The following TMEM117 variants were observed in gnomAD, a reference collection of about 807,000 sequenced individuals.
The protein encoded by TMEM117 is transmembrane protein 117.
TMEM117 carries 27 observed loss-of-function variants against 52.4 expected under a neutral mutation model. That is an observed-to-expected ratio of 0.51 (90% confidence interval 0.38 to 0.71). The LOEUF is 0.71. TMEM117 is among the 30% of genes least tolerant of loss of function. TMEM117 has a pLI of 0.00. For missense variants in TMEM117, 556 were observed against 630.5 expected (o/e 0.88, Z 1.26); for synonymous variants, 215 against 206.3 (o/e 1.04, Z -0.36).
intron 2 of TMEM117, among the ~76,000 whole-genome samples, chr12:43,872,802 A>G (rs1443218003): frequency 6.6e-6 from 1 of 152,228 alleles, no homozygotes; most frequent in African/African-American, 2.4e-5. Context: ...CAGTCTTTGA[A>G]TTCTTAATAC....
At chr12:44,073,192 CATT>C (rs1256786614) in intron 3 of TMEM117, among the ~76,000 whole-genome samples, 2 of 152,044 alleles carry the variant, frequency 1.3e-5, no homozygotes, top group African/African-American at 4.8e-5. Flanking sequence ...GCTTTTAAAA[CATT>C]AATAAGTAGA....
intron 5 of TMEM117, among the ~76,000 whole-genome samples, chr12:44,223,610 T>C (rs1197464668): frequency 1.3e-5 from 2 of 152,138 alleles, no homozygotes; most frequent in African/African-American, 4.8e-5. Context: ...TTTCTCCAAA[T>C]TGGCACTTCC....
chr12:43,864,078 T>C (rs1456813301), intron 2 of TMEM117, among the ~76,000 whole-genome samples: 1 of 152,188 alleles, frequency 6.6e-6, no homozygotes, highest in Non-Finnish European at 1.5e-5. Context: ...CCAGCAGTGC[T>C]GGCCCACCAG....
chr12:44,131,080 T>C (rs1948406763), intron 3 of TMEM117, among the ~76,000 whole-genome samples: 1 of 152,162 alleles, frequency 6.6e-6, no homozygotes, highest in African/African-American at 2.4e-5. Flanking sequence ...CTGTTTCTTC[T>C]CTAATTCCTT....
chr12:43,798,968 A>G, the TMEM117 span, among the ~76,000 whole-genome samples: 1 of 152,116 alleles, frequency 6.6e-6, no homozygotes, highest in East Asian at 1.9e-4. Flanking sequence ...TCTTCCATAT[A>G]TATCTCTATT....
At chr12:44,358,880 AT>A (rs1448015926) in intron 6 of TMEM117, among the ~76,000 whole-genome samples, 1 of 152,154 alleles carries the variant, frequency 6.6e-6, no homozygotes, top group Middle Eastern at 3.4e-3. Context: ...AGTCCAACCC[AT>A]CTACTTGTGC....
intron 2 of TMEM117, among the ~76,000 whole-genome samples, chr12:43,922,835 C>T (rs898628297): frequency 3.3e-5 from 5 of 152,008 alleles, no homozygotes; most frequent in South Asian, 4.1e-4. Flanking sequence ...GAAGAAGTAC[C>T]CCTTTTCTCA....
Position 44,091,951 on chromosome 12 carries a change from G to C in TMEM117, c.411-51574G>C, listed in dbSNP as rs116620851. ...TCAAATACTACACCCACATTTTCTG[G>C]TGACATAGATGGGGTCAGTAGATTA... On this transcript the variant is annotated intron_variant, in intron 3 of 7. Coordinates refer to ENST00000266534, the MANE Select transcript of TMEM117 (RefSeq NM_032256.3). 6.9e-3 allele frequency among the ~76,000 whole-genome samples: 1,043 copies of C among 152,216 alleles called. 13 individuals are homozygous for C. Among genetic ancestry groups the C allele is most frequent in the African/African-American group, 0.024 (978 of 41,522 alleles).
At chr12:44,044,759 G>A (rs1166631130) in intron 3 of TMEM117, among the ~76,000 whole-genome samples, 4 of 152,216 alleles carry the variant, frequency 2.6e-5, no homozygotes, top group South Asian at 2.1e-4. Flanking sequence ...TTTCTAGGAC[G>A]TCCCTGAAGG....
In TMEM117 at chr12:44,239,777, A is replaced by G. The variant is rs551840532; in HGVS notation, c.608+28390A>G. On this transcript the variant is annotated intron_variant, in intron 5 of 7. Transcript: ENST00000266534. ...AAAATATAGTCATATGCCCACATGCACACATACACATGCTCTCATACACTA... is the reference window on the plus strand; with the variant it reads ...AAAATATAGTCATATGCCCACATGCGCACATACACATGCTCTCATACACTA... Among the ~76,000 whole-genome samples, 14 of 152,228 alleles carry G rather than the reference A, an allele frequency of 9.2e-5. 1 individual carries two copies. Among genetic ancestry groups the G allele is most frequent in the Admixed American group, 8.5e-4 (13 of 15,264 alleles).
At chr12:43,838,115 A>T (rs1236126552) in intron 1 of TMEM117, among the ~76,000 whole-genome samples, 1 of 151,900 alleles carries the variant, frequency 6.6e-6, no homozygotes, top group Non-Finnish European at 1.5e-5. Context: ...TTCTGTTATT[A>T]TTGCTATTTG....
At chr12:44,340,423 A>T (rs1951401100) in intron 6 of TMEM117, among the ~76,000 whole-genome samples, 1 of 152,106 alleles carries the variant, frequency 6.6e-6, no homozygotes. Flanking sequence ...GCGTTTATAA[A>T]CACTGTGATT....
the TMEM117 span, chr12:43,805,987 C>T: frequency 1.3e-6 from 2 of 1,537,398 alleles, no homozygotes; most frequent in Non-Finnish European, 1.7e-6. Context: ...TTCGCTCCCC[C>T]GAATTTCGGA....
At chr12:44,396,909 C>G in the TMEM117 span, among the ~76,000 whole-genome samples, 1 of 151,554 alleles carries the variant, frequency 6.6e-6, no homozygotes. Flanking sequence ...GCATAATATT[C>G]TCAAATTATC....
chr12:44,185,463 G>A (rs1046044543), intron 4 of TMEM117, among the ~76,000 whole-genome samples: 1 of 152,038 alleles, frequency 6.6e-6, no homozygotes, highest in African/African-American at 2.4e-5. Flanking sequence ...AGAAGAGCTA[G>A]TCTATAAAAA....
At chr12:44,038,711 G>A (rs777850095) in intron 3 of TMEM117, among the ~76,000 whole-genome samples, 1 of 152,158 alleles carries the variant, frequency 6.6e-6, no homozygotes, top group African/African-American at 2.4e-5. Context: ...TATTCCTCCT[G>A]TGTAGAAAAC....
At chr12:44,317,343 T>C (rs1282828087) in intron 6 of TMEM117, among the ~76,000 whole-genome samples, 1 of 151,644 alleles carries the variant, frequency 6.6e-6, no homozygotes, top group Non-Finnish European at 1.5e-5. Flanking sequence ...CTAGTGGGTG[T>C]AACTGTAAAG....
At chr12:44,299,464 C>T in intron 5 of TMEM117, 116 bp from the exon 6 acceptor site, 2 of 1,357,960 alleles carry the variant, frequency 1.5e-6, no homozygotes, top group Admixed American at 4.5e-5. Flanking sequence ...GGCTAATATA[C>T]CTTAGGGTAG....
At chr12:44,038,702 A>C (rs1946750910) in intron 3 of TMEM117, among the ~76,000 whole-genome samples, 1 of 152,184 alleles carries the variant, frequency 6.6e-6, no homozygotes, top group Non-Finnish European at 1.5e-5. Flanking sequence ...CTGTGACAAT[A>C]TTCCTCCTGT....
Sources: gnomAD v4.1 joint callset for allele counts (sites outside exome capture counted in the v4.1 genomes callset) on GRCh38, gnomAD v4.1.1 for gene constraint, MANE v1.5 for transcripts, NCBI Gene and HGNC (gene_info 2026-07-23, HGNC 2026-07-21) for gene names.